Variants in SLC16A10 observed in about 807,000 individuals in gnomAD.
SLC16A10 encodes the protein solute carrier family 16 member 10.
In SLC16A10, 27 loss-of-function variants were observed where a neutral mutation model predicts 40.0. The ratio of observed to expected loss-of-function variants is 0.67; its 90% CI spans 0.50 to 0.93. SLC16A10 has a LOEUF of 0.93. Ranked by LOEUF, SLC16A10 falls within the 40% of genes least tolerant of loss-of-function variation. SLC16A10 has a pLI of 0.00. For missense variants in SLC16A10, 529 were observed against 658.2 expected (o/e 0.80, Z 2.15); for synonymous variants, 213 against 249.8 (o/e 0.85, Z 1.39).
At chr6:111,190,060 C>T (rs939301985) in intron 3 of SLC16A10, among the ~76,000 whole-genome samples, 8 of 152,298 alleles carry the variant, frequency 5.3e-5, no homozygotes, top group African/African-American at 1.4e-4. Context: ...TCTGTGAAAT[C>T]GAAAGCAAGT....
At chr6:111,150,464 A>G (rs574052407) in intron 1 of SLC16A10, among the ~76,000 whole-genome samples, 1 of 152,318 alleles carries the variant, frequency 6.6e-6, no homozygotes, top group African/African-American at 2.4e-5. Flanking sequence ...AGATATCGAT[A>G]TCATCAATAT....
At chr6:111,166,188 T>G (rs1426954136) in intron 1 of SLC16A10, among the ~76,000 whole-genome samples, 1 of 152,104 alleles carries the variant, frequency 6.6e-6, no homozygotes, top group Admixed American at 6.6e-5. Context: ...TAAACAGTGA[T>G]TTTTATCCTT....
chr6:111,100,673 G>T (rs985738936), intron 1 of SLC16A10, among the ~76,000 whole-genome samples: 3 of 151,904 alleles, frequency 2.0e-5, no homozygotes, highest in African/African-American at 7.3e-5. Flanking sequence ...GTGAGCCACC[G>T]TGCCCGGCCT....
intron 1 of SLC16A10, among the ~76,000 whole-genome samples, chr6:111,169,405 T>G (rs1772541530): frequency 6.6e-6 from 1 of 152,172 alleles, no homozygotes; most frequent in Admixed American, 6.5e-5. Flanking sequence ...TGAAAGTGCA[T>G]CTGAGAAAAA....
intron 1 of SLC16A10, among the ~76,000 whole-genome samples, chr6:111,144,244 C>G (rs996891829): frequency 2.0e-5 from 3 of 152,094 alleles, no homozygotes; most frequent in African/African-American, 7.2e-5. Context: ...CTCTCTGTCC[C>G]CCAGGCTGGA....
intron 1 of SLC16A10, among the ~76,000 whole-genome samples, chr6:111,113,772 G>C (rs926856332): frequency 6.6e-6 from 1 of 152,148 alleles, no homozygotes; most frequent in East Asian, 1.9e-4. Context: ...AGAGTCACAG[G>C]AAACAGTGAA....
intron 3 of SLC16A10, among the ~76,000 whole-genome samples, chr6:111,204,929 CT>C (rs532687696): frequency 8.5e-4 from 124 of 146,004 alleles, no homozygotes; most frequent in African/African-American, 1.2e-3. Context: ...AAATTTTGTA[CT>C]TTTTTTTTTT....
chr6:111,142,809 G>T (rs895478387), intron 1 of SLC16A10, among the ~76,000 whole-genome samples: 28 of 152,294 alleles, frequency 1.8e-4, no homozygotes, highest in African/African-American at 6.7e-4. Context: ...AAGACAGTTT[G>T]CAGTTTCTTA....
intron 1 of SLC16A10, among the ~76,000 whole-genome samples, chr6:111,145,572 T>TA (rs1282750108): frequency 1.3e-5 from 2 of 151,810 alleles, no homozygotes; most frequent in Non-Finnish European, 2.9e-5. Flanking sequence ...TCACACCATA[T>TA]AAAAAAATAA....
At chr6:111,173,597 C>T (rs1031578769) in intron 2 of SLC16A10, 9 of 152,164 alleles carry the variant, frequency 5.9e-5, no homozygotes, top group African/African-American at 2.2e-4. Context: ...AGCTCCACCT[C>T]CTGTCAGATC....
At chr6:111,185,289 C>T (rs1162545371) in intron 3 of SLC16A10, among the ~76,000 whole-genome samples, 1 of 152,172 alleles carries the variant, frequency 6.6e-6, no homozygotes, top group Non-Finnish European at 1.5e-5. Flanking sequence ...AAGGAGTCTG[C>T]ATTCCTTCAT....
At chr6:111,163,444 A>C (rs2475391) in intron 1 of SLC16A10, among the ~76,000 whole-genome samples, 2 of 152,034 alleles carry the variant, frequency 1.3e-5, no homozygotes, top group South Asian at 4.1e-4. Context: ...GAGCCACCGC[A>C]CCCGGCAACA....
At chr6:111,197,616 A>G (rs1773099480) in intron 3 of SLC16A10, among the ~76,000 whole-genome samples, 1 of 152,248 alleles carries the variant, frequency 6.6e-6, no homozygotes, top group South Asian at 2.1e-4. Flanking sequence ...GAAATACCTG[A>G]GGCCGGATGA....
In SLC16A10 at chr6:111,101,381, TAG is replaced by T. The variant is rs913253385; in HGVS notation, c.343+13289_343+13290del. Among the ~76,000 whole-genome samples, 381 of 151,958 alleles carry T rather than the reference TAG, an allele frequency of 2.5e-3. 3 individuals carry two copies. Among genetic ancestry groups the T allele is most frequent in the African/African-American group, 8.7e-3 (361 of 41,438 alleles). On this transcript the variant is annotated intron_variant, in intron 1 of 5. Coordinates refer to ENST00000368851, the MANE Select transcript of SLC16A10 (RefSeq NM_018593.5). ...GTAACCTGCTCCCTACTGAAGTAAA[TAG>T]AGTTAAAAAAAGTAATCTGGTACAG...
At chr6:111,119,959 T>G (rs1425072129) in intron 1 of SLC16A10, among the ~76,000 whole-genome samples, 1 of 152,264 alleles carries the variant, frequency 6.6e-6, no homozygotes, top group Non-Finnish European at 1.5e-5. Flanking sequence ...TTAGGTGAAG[T>G]CTTTAATTAT....
chr6:111,161,867 G>A (rs558660412), intron 1 of SLC16A10, among the ~76,000 whole-genome samples: 68 of 152,136 alleles, frequency 4.5e-4, no homozygotes, highest in Middle Eastern at 3.4e-3. Flanking sequence ...TCTGGGTTAC[G>A]GGCACCCTGT....
At chr6:111,170,864 G>A (rs1459319228) in intron 1 of SLC16A10, among the ~76,000 whole-genome samples, 3 of 152,224 alleles carry the variant, frequency 2.0e-5, no homozygotes, top group Admixed American at 6.5e-5. Context: ...TAGTCTGGGT[G>A]TGGTGACTCA....
chr6:111,088,071 G>A lies in SLC16A10; in HGVS notation c.319G>A (p.Asp107Asn), dbSNP rs929959183. 6.2e-7 allele frequency: 1 copy of A among 1,607,466 alleles called. No individual in the cohort carries two copies. The highest frequency in any genetic ancestry group is 1.3e-5 in the African/African-American group (1 of 74,666). ...GCTGGAAACCTTCGGCTCCAAAGAC[G>A]ATGACAAGATGGTCTTTAAGACAGG... ...SMLETFGSKD[D>N]DKMVFKTAWV... Residue 107 changes from aspartate (D) to asparagine (N), a missense_variant, in exon 1 of 6, where the codon GAT (aspartate) becomes AAT (asparagine). Coordinates refer to ENST00000368851, the MANE Select transcript of SLC16A10 (RefSeq NM_018593.5).
chr6:111,220,615 A>G (rs756480545), intron 5 of SLC16A10, among the ~76,000 whole-genome samples: 6 of 152,224 alleles, frequency 3.9e-5, no homozygotes, highest in African/African-American at 9.6e-5. Context: ...TCAAAAGGTC[A>G]TGGTCTCCTT....
Sources: gnomAD v4.1 joint callset for allele counts (sites outside exome capture counted in the v4.1 genomes callset) on GRCh38, gnomAD v4.1.1 for gene constraint, MANE v1.5 for transcripts, NCBI Gene and HGNC (gene_info 2026-07-23, HGNC 2026-07-21) for gene names.